Variants in CEP78 observed in about 807,000 individuals in gnomAD.
CEP78 encodes centrosomal protein 78.
CEP78 carries 76 observed loss-of-function variants against 81.2 expected under a neutral mutation model. The ratio of observed to expected loss-of-function variants is 0.94; its 90% CI spans 0.78 to 1.13. The LOEUF (loss-of-function observed/expected upper bound fraction) is 1.13. CEP78 is among the 50% of genes most tolerant of loss of function. The pLI, the probability that CEP78 is intolerant of heterozygous loss-of-function variation, is 0.00. For synonymous variants in CEP78, 293 were observed against 301.4 expected (o/e 0.97, Z 0.29); for missense variants, 918 against 846.8 (o/e 1.08, Z -1.04).
Position 78,246,743 on chromosome 9 carries a change from ACT to A in CEP78, c.856_857del (p.Leu286GlyfsTer12). On this transcript the variant is annotated frameshift_variant, in exon 6 of 17. Transcript: ENST00000643273. LOFTEE classifies it high-confidence loss of function. ...GCTAGAGGCCCTTGAAACCAATACA[ACT>A]CTGGTCGTTCTGGATATAAGAAAAA... ...ALLEALETNT[T>X]LVVLDIRKNP... is the part of the protein sequence containing the mutation. The A allele has an allele frequency of 6.2e-7, 1 of 1,609,060 alleles. No homozygotes were observed. Among genetic ancestry groups the A allele is most frequent in the Middle Eastern group, 1.7e-4 (1 of 6,042 alleles).
intron 8 of CEP78, 115 bp downstream of exon 8, chr9:78,248,988 T>G (rs1826632946): frequency 4.2e-6 from 2 of 480,926 alleles, no homozygotes; most frequent in Admixed American, 4.1e-5. Context: ...TCCGTGCATA[T>G]TATGAGGTCT....
At position 78,276,799 on chromosome 9, in the gene CEP78, A is replaced by C. The variant is rs1166349309; in HGVS notation, c.*5948A>C. 2 of 152,232 alleles carry C rather than the reference A, an allele frequency of 1.3e-5. No individual in the cohort carries two copies. Among genetic ancestry groups the C allele is most frequent in the African/African-American group, 4.8e-5 (2 of 41,464 alleles). 9.4% of individuals were successfully genotyped at this position (152,232 alleles called of 1,614,324 possible). On this transcript the variant is annotated 3_prime_UTR_variant, in exon 17 of 17. Coordinates refer to ENST00000643273, the MANE Select transcript of CEP78 (RefSeq NM_001330691.3). The stretch of plus-strand genomic sequence containing the variant: ...ACACAAAAATAGAGGTATGCCATGT[A>C]TAAGACCCAACATAATAAATAGTTC...
chr9:78,264,361 ATGGTGTT>A, intron 13 of CEP78, 45 bp downstream of exon 13: 1 of 1,569,166 alleles, frequency 6.4e-7, no homozygotes, highest in Non-Finnish European at 8.7e-7. Context: ...CATGACTTTA[ATGGTGTT>A]TTGCTGAGGA....
chr9:78,264,070 GTTTTA>G (rs2118459537), intron 12 of CEP78, 75 bp from the exon 13 acceptor site: 3 of 1,004,332 alleles, frequency 3.0e-6, no homozygotes, highest in Middle Eastern at 6.7e-4. Flanking sequence ...TTTTTAAAAT[GTTTTA>G]TTTTAGTTTC....
At chr9:78,246,871 T>G in intron 6 of CEP78, 89 bp downstream of exon 6, 1 of 664,176 alleles carries the variant, frequency 1.5e-6, no homozygotes, top group Non-Finnish European at 2.5e-6. Flanking sequence ...ACTTAATGTG[T>G]TTCCTTCCCT....
intron 11 of CEP78, among the ~76,000 whole-genome samples, chr9:78,259,195 TGAAA>T (rs1159933790): frequency 6.6e-6 from 1 of 152,286 alleles, no homozygotes; most frequent in South Asian, 2.1e-4. Context: ...AGAACAATGT[TGAAA>T]GAAAGAAGAT....
intron 8 of CEP78, chr9:78,250,390 CTT>C (rs1826699539): frequency 5.1e-6 from 2 of 394,168 alleles, no homozygotes; most frequent in Non-Finnish European, 8.9e-6. Flanking sequence ...AGATAGGAAA[CTT>C]TATAATTTTT....
rs1374830653 is a variant in CEP78, at chr9:78,273,551, T to C, written c.*2700T>C. On this transcript the variant is annotated 3_prime_UTR_variant, in exon 17 of 17. Coordinates refer to ENST00000643273, the MANE Select transcript of CEP78 (RefSeq NM_001330691.3). ...AAGTTCAAGACCAGCCTGGCCAACA[T>C]GGCAAAACTCCGTCTCTACTAAAAA... 1 of 144,546 alleles carries C rather than the reference T, an allele frequency of 6.9e-6. No homozygotes were observed. Among genetic ancestry groups the C allele is most frequent in the African/African-American group, 2.6e-5 (1 of 38,610 alleles). The allele number at this position is 144,546 out of a possible 1,614,324, so 9.0% of individuals were successfully genotyped here.
chr9:78,264,988 CAT>C (rs1463380725), intron 13 of CEP78, among the ~76,000 whole-genome samples: 1 of 152,092 alleles, frequency 6.6e-6, no homozygotes, highest in African/African-American at 2.4e-5. Context: ...AAGGAACAAA[CAT>C]ATTCTTGAGG....
chr9:78,239,264 A>G (rs1826104337), intron 1 of CEP78, among the ~76,000 whole-genome samples: 1 of 152,020 alleles, frequency 6.6e-6, no homozygotes, highest in African/African-American at 2.4e-5. Context: ...GCTCCTAGCT[A>G]GTTTTGCTGC....
chr9:78,269,379 C>T (rs1444955415), intron 16 of CEP78, among the ~76,000 whole-genome samples: 2 of 152,100 alleles, frequency 1.3e-5, no homozygotes, highest in African/African-American at 2.4e-5. Flanking sequence ...CTGCAGATTT[C>T]AGGAGGAAAT....
chr9:78,266,649 G>A lies in CEP78; in HGVS notation c.2053G>A (p.Glu685Lys). The change falls in exon 16 of 17, where the codon GAA becomes AAA. Residue 685 changes from glutamate (E) to lysine (K), a missense_variant. Transcript: ENST00000643273. ...ATSGTGSQRK[E>K]EELSRNSRSS... ...TTCTGGAACTGGAAGTCAAAGAAAAGAAGAGGAGTTGTCCAGAAATAGCAG... is the reference window on the plus strand; with the variant it reads ...TTCTGGAACTGGAAGTCAAAGAAAAAAAGAGGAGTTGTCCAGAAATAGCAG... The A allele has an allele frequency of 6.2e-7, 1 of 1,612,300 alleles. No homozygotes were observed. The highest frequency in any genetic ancestry group is 8.5e-7 in the Non-Finnish European group (1 of 1,178,992).
At chr9:78,266,405 G>A in intron 15 of CEP78, 37 bp from the exon 16 acceptor site, 1 of 1,493,958 alleles carries the variant, frequency 6.7e-7, no homozygotes, top group Non-Finnish European at 9.1e-7. Context: ...GGATGGCTTT[G>A]TTTGTCACTA....
At chr9:78,255,298 G>T (rs1826966870) in intron 11 of CEP78, among the ~76,000 whole-genome samples, 1 of 152,094 alleles carries the variant, frequency 6.6e-6, no homozygotes, top group African/African-American at 2.4e-5. Context: ...CTGATTCAGG[G>T]CTCTTTGGGA....
At position 78,236,111 on chromosome 9, in the gene CEP78, G is replaced by A. The variant is rs1825909709; in HGVS notation, c.-240G>A. ...CGGCGCCTCAGAGGACTATGAGGCG[G>A]GCGCCAACTGCTTGGGCCGCAGGGC... On this transcript the variant is annotated 5_prime_UTR_variant, in exon 1 of 17. Transcript: ENST00000643273. 1 of 530,608 alleles carries A rather than the reference G, an allele frequency of 1.9e-6. No individual in the cohort carries two copies. 32.9% of individuals were successfully genotyped at this position (530,608 alleles called of 1,614,324 possible). A position where few individuals can be genotyped will look rare whatever the true frequency, so the allele number is the denominator to read the frequency against.
At chr9:78,254,445 A>G (rs1345019030) in intron 10 of CEP78, 2 of 153,448 alleles carry the variant, frequency 1.3e-5, no homozygotes, top group Non-Finnish European at 2.9e-5. Flanking sequence ...TCCTGTCTTT[A>G]AGACTCTGTG....
chr9:78,265,226 G>C (rs569031233), intron 13 of CEP78, 146 bp from the exon 14 acceptor site: 1 of 588,060 alleles, frequency 1.7e-6, no homozygotes, highest in East Asian at 2.9e-5. Flanking sequence ...CTGAGAAATT[G>C]GGAGGGATGG....
At chr9:78,237,825 C>T (rs1482326638) in intron 1 of CEP78, among the ~76,000 whole-genome samples, 4 of 151,892 alleles carry the variant, frequency 2.6e-5, no homozygotes, top group African/African-American at 4.8e-5. Context: ...GGGCTGGGGC[C>T]GGGCACCGTG....
intron 11 of CEP78, among the ~76,000 whole-genome samples, chr9:78,261,504 C>G (rs1827274150): frequency 6.6e-6 from 1 of 152,166 alleles, no homozygotes; most frequent in Non-Finnish European, 1.5e-5. Context: ...CTAATTGTTT[C>G]ATTTCATATT....
Sources: gnomAD v4.1 joint callset for allele counts (sites outside exome capture counted in the v4.1 genomes callset) on GRCh38, gnomAD v4.1.1 for gene constraint, MANE v1.5 for transcripts, NCBI Gene and HGNC (gene_info 2026-07-23, HGNC 2026-07-21) for gene names.